The following CIPC variants were observed in gnomAD, a reference collection of about 807,000 sequenced individuals.
CIPC encodes the protein CLOCK interacting pacemaker.
A neutral mutation model predicts 26.7 loss-of-function variants in CIPC; 12 were observed. That is an observed-to-expected ratio of 0.45 (90% CI 0.29 to 0.73). The LOEUF is 0.73. Among genes scored for constraint, CIPC ranks in the 30% least tolerant of loss-of-function variants. The probability of loss-of-function intolerance (pLI) is 0.12; values close to 1 mark genes in which losing one functional copy is unlikely to be tolerated. For missense variants in CIPC, 417 were observed against 486.5 expected (o/e 0.86, Z 1.34); for synonymous variants, 170 against 189.8 (o/e 0.90, Z 0.86).
chr14:77,107,998 C>A (rs1187451097), intron 2 of CIPC, among the ~76,000 whole-genome samples: 1 of 151,838 alleles, frequency 6.6e-6, no homozygotes, highest in South Asian at 2.1e-4. Flanking sequence ...TTTCTTTCTT[C>A]TTTCTTTATG....
At chr14:77,104,527 C>A (rs1757516184) in intron 1 of CIPC, among the ~76,000 whole-genome samples, 1 of 152,260 alleles carries the variant, frequency 6.6e-6, no homozygotes, top group African/African-American at 2.4e-5. Context: ...TGTTCCCTGA[C>A]TACCAGTCTG....
chr14:77,099,902 T>G (rs533532548), intron 1 of CIPC: 1 of 152,324 alleles, frequency 6.6e-6, no homozygotes, highest in South Asian at 2.1e-4. Context: ...ACGTGGAGGT[T>G]AGATCTTAAG....
chr14:77,101,181 G>A (rs1566803525), intron 1 of CIPC, among the ~76,000 whole-genome samples: 6 of 152,202 alleles, frequency 3.9e-5, no homozygotes. Context: ...AAAAAATCAA[G>A]CAACTTCCCG....
intron 3 of CIPC, among the ~76,000 whole-genome samples, chr14:77,112,515 G>A (rs1449171492): frequency 6.6e-6 from 1 of 151,998 alleles, no homozygotes; most frequent in Non-Finnish European, 1.5e-5. Flanking sequence ...AATGGTAACT[G>A]CCTCATGGGG....
intron 1 of CIPC, among the ~76,000 whole-genome samples, chr14:77,103,817 T>A: frequency 6.6e-6 from 1 of 152,252 alleles, no homozygotes. Context: ...AGTCTCTACA[T>A]GACCAAATCT....
intron 1 of CIPC, among the ~76,000 whole-genome samples, chr14:77,100,846 G>A (rs1055802266): frequency 3.9e-5 from 6 of 152,176 alleles, no homozygotes; most frequent in Admixed American, 1.3e-4. Flanking sequence ...TGGGATTATA[G>A]GTGTGAGCCA....
rs374768196 is a variant in CIPC, at chr14:77,113,759, C to T, written c.641C>T (p.Thr214Met). Reference protein sequence around the residue: ...KAGAVPSSPSTPAPPSAKLAE... With the variant: ...KAGAVPSSPSMPAPPSAKLAE... ...GGTGCTGTCCCATCCAGTCCCTCGA[C>T]GCCAGCACCACCCAGCGCCAAACTT... The change falls in exon 4 of 4, where the codon ACG (threonine) becomes ATG (methionine). Residue 214 changes from threonine (T) to methionine (M), a missense_variant. Physicochemically the swap from Thr to Met is moderately conservative, Grantham distance 81. Transcript: ENST00000361786. 154 of 1,613,038 alleles carry T rather than the reference C, an allele frequency of 9.5e-5. 1 individual carries two copies. In the Middle Eastern group the frequency reaches 2.1e-3, roughly 22 times the overall value.
intron 3 of CIPC, among the ~76,000 whole-genome samples, chr14:77,112,282 A>T (rs1886719823): frequency 6.6e-6 from 1 of 152,236 alleles, no homozygotes; most frequent in Admixed American, 6.5e-5. Flanking sequence ...CATTGGAGAC[A>T]AGTAGCCATG....
intron 1 of CIPC, chr14:77,099,946 C>T (rs536134609): frequency 2.6e-5 from 4 of 152,270 alleles, no homozygotes; most frequent in South Asian, 2.1e-4. Flanking sequence ...AGAATCTTGA[C>T]CTTCAAGCTG....
intron 1 of CIPC, among the ~76,000 whole-genome samples, chr14:77,103,007 A>G (rs1886521461): frequency 6.6e-6 from 1 of 152,246 alleles, no homozygotes; most frequent in Non-Finnish European, 1.5e-5. Context: ...TTGCTTTTGC[A>G]TAGTTCTCTG....
At chr14:77,108,171 A>G (rs1452295314) in intron 2 of CIPC, among the ~76,000 whole-genome samples, 1 of 152,206 alleles carries the variant, frequency 6.6e-6, no homozygotes, top group East Asian at 1.9e-4. Flanking sequence ...TTGGAGACTC[A>G]TAAGTTAGTC....
chr14:77,099,693 C>G lies in CIPC; in HGVS notation c.-53+1332C>G, dbSNP rs141631235. 2.8e-3 allele frequency among the ~76,000 whole-genome samples: 431 copies of G among 152,282 alleles called. 4 individuals are homozygous for G. Among genetic ancestry groups the G allele is most frequent in the African/African-American group, 9.6e-3 (397 of 41,546 alleles). ...AGCTTCCAGGAATGTTGCCAAGTGTCTATAAAAGGAGAGATCTGAAAGCAG... is the reference window on the plus strand; with the variant it reads ...AGCTTCCAGGAATGTTGCCAAGTGTGTATAAAAGGAGAGATCTGAAAGCAG... On this transcript the variant is annotated intron_variant, in intron 1 of 3. Transcript: ENST00000361786.
rs1292725461 is a variant in CIPC, at chr14:77,107,619, G to A, written c.136+1775G>A. ...TTGCCATATATGCTTTCTCTCTCTC[G>A]CTCTCTTTACACACACACACACACA... On this transcript the variant is annotated intron_variant, in intron 2 of 3. Coordinates refer to ENST00000361786, the MANE Select transcript of CIPC (RefSeq NM_033426.3). Among the ~76,000 whole-genome samples the A allele has an allele frequency of 9.0e-5, 12 of 133,554 alleles. 1 individual carries two copies. The South Asian group carries it at 1.2e-3, about 14-fold the overall frequency. The allele number at this position is 133,554 out of a possible 152,430, so 87.6% of individuals were successfully genotyped here. A position where few individuals can be genotyped will look rare whatever the true frequency, so the allele number is the denominator to read the frequency against.
Position 77,117,243 on chromosome 14 carries a change from CTG to C in CIPC, c.*2928_*2929del, listed in dbSNP as rs1180823511. On this transcript the variant is annotated 3_prime_UTR_variant, in exon 4 of 4. Coordinates refer to ENST00000361786, the MANE Select transcript of CIPC (RefSeq NM_033426.3). ...AAGTATGAAGTTTTGCAGAAATTGA[CTG>C]TGAAATGTCAGAGAAAAATAAAAGT... 12 of 152,584 alleles carry C rather than the reference CTG, an allele frequency of 7.9e-5. No homozygotes were observed. The highest frequency in any genetic ancestry group is 2.9e-4 in the African/African-American group (12 of 41,398). The allele number at this position is 152,584 out of a possible 1,614,324, so 9.5% of individuals were successfully genotyped here.
chr14:77,109,958 A>G lies in CIPC; in HGVS notation c.283A>G (p.Met95Val). ...CCCTACCCTGTCTCCCATGGTCGTC[A>G]TGAAGAATGTGCTTGTCAAACAGGT... Reference protein sequence around the residue: ...AFPTLSPMVVMKNVLVKQGSS... With the variant: ...AFPTLSPMVVVKNVLVKQGSS... The change falls in exon 3 of 4, where the codon ATG becomes GTG. Residue 95 changes from methionine (M) to valine (V), a missense_variant. Physicochemically the swap from Met to Val is conservative, Grantham distance 21. Coordinates refer to ENST00000361786, the MANE Select transcript of CIPC (RefSeq NM_033426.3). The G allele has an allele frequency of 6.2e-7, 1 of 1,614,198 alleles. No homozygotes were observed. Among genetic ancestry groups the G allele is most frequent in the Non-Finnish European group, 8.5e-7 (1 of 1,180,022 alleles).
intron 1 of CIPC, among the ~76,000 whole-genome samples, chr14:77,101,280 C>A (rs1886479308): frequency 6.6e-6 from 1 of 152,226 alleles, no homozygotes; most frequent in Admixed American, 6.5e-5. Flanking sequence ...GAGTGGGTCC[C>A]TCAGCCACTC....
At position 77,105,765 on chromosome 14, in the gene CIPC, C is replaced by CA; in HGVS notation, c.60dup (p.Gly21ArgfsTer17). ...CCAGAAGACTCTCTGCCAAAGTAGGCAAAGGCACAGAGATGAAGAAAGTGG... is the reference window on the plus strand; with the variant it reads ...CCAGAAGACTCTCTGCCAAAGTAGGCAAAAGGCACAGAGATGAAGAAAGTGG... On this transcript the variant is annotated frameshift_variant, in exon 2 of 4. Transcript: ENST00000361786. LOFTEE classifies it high-confidence loss of function. 6.2e-7 allele frequency: 1 copy of CA among 1,614,152 alleles called. No homozygotes were observed. The highest frequency in any genetic ancestry group is 2.2e-5 in the East Asian group (1 of 44,884).
chr14:77,100,240 CT>C (rs57785837), intron 1 of CIPC, among the ~76,000 whole-genome samples: 3,357 of 130,214 alleles, frequency 0.026, 24 homozygotes, highest in South Asian at 0.071. Context: ...TTCTTTCTTT[CT>C]TTTTTTTTTT....
intron 1 of CIPC, among the ~76,000 whole-genome samples, chr14:77,102,054 C>G (rs963951580): frequency 3.9e-5 from 6 of 152,114 alleles, no homozygotes; most frequent in African/African-American, 1.4e-4. Context: ...CCACTGCGCT[C>G]TAGCCTGAGC....
Sources: allele counts gnomAD v4.1 joint callset (sites outside exome capture counted in the v4.1 genomes callset), GRCh38; gene constraint gnomAD v4.1.1; transcripts MANE v1.5; gene names NCBI Gene and HGNC (gene_info 2026-07-23, HGNC 2026-07-21).